The following USP8 variants were observed in gnomAD, a reference collection of about 807,000 sequenced individuals.
The protein encoded by USP8 is ubiquitin specific peptidase 8, also known as ubiquitin carboxyl-terminal hydrolase 8.
A neutral mutation model predicts 130.0 loss-of-function variants in USP8; 27 were observed. The observed-to-expected ratio is 0.21, with a 90% CI of 0.15 to 0.29. The LOEUF (loss-of-function observed/expected upper bound fraction) is 0.29. Among genes scored for constraint, USP8 ranks in the 10% least tolerant of loss-of-function variants. The pLI is 1.00. For synonymous variants in USP8, 392 were observed against 444.1 expected (o/e 0.88, Z 1.48); for missense variants, 1,029 against 1,312.2 (o/e 0.78, Z 3.33).
chr15:50,475,217 G>C (rs148641640), intron 8 of USP8, among the ~76,000 whole-genome samples: 1 of 152,086 alleles, frequency 6.6e-6, no homozygotes, highest in South Asian at 2.1e-4. Flanking sequence ...AATATTCAGA[G>C]TACATTCACT....
chr15:50,434,218 T>C (rs572470915), intron 1 of USP8, among the ~76,000 whole-genome samples: 1 of 152,174 alleles, frequency 6.6e-6, no homozygotes, highest in East Asian at 1.9e-4. Context: ...TTTTTCTGCC[T>C]CAGCCTCCTG....
chr15:50,439,949 A>C (rs776822360), intron 2 of USP8, among the ~76,000 whole-genome samples: 1 of 152,020 alleles, frequency 6.6e-6, no homozygotes. Context: ...TTAACTTGGC[A>C]TGGTGGCATA....
Position 50,481,737 on chromosome 15 carries a change from A to C in USP8, c.1475A>C (p.Glu492Ala). Residue 492 changes from glutamate to alanine, a missense_variant, in exon 11 of 20, where the codon GAG becomes GCG. Physicochemically the swap from Glu to Ala is moderately radical, Grantham distance 107. Transcript: ENST00000307179. ...LRERQQEEQK[E>A]KLRKEEQEQK... is the part of the protein sequence containing the mutation. ...GAAAGGCAGCAAGAGGAACAGAAAG[A>C]GAAACTGAGGAAGGAAGAACAAGAA... 6.2e-7 allele frequency: 1 copy of C among 1,607,722 alleles called. No individual in the cohort carries two copies. Among genetic ancestry groups the C allele is most frequent in the Non-Finnish European group, 8.5e-7 (1 of 1,177,844 alleles).
At chr15:50,474,732 T>C (rs1459224068) in intron 8 of USP8, among the ~76,000 whole-genome samples, 1 of 152,210 alleles carries the variant, frequency 6.6e-6, no homozygotes, top group African/African-American at 2.4e-5. Context: ...AATGTATAGA[T>C]TGAAACAGCG....
rs943503159 is a variant in USP8, at chr15:50,506,465, C to T, written c.*7377C>T. ...AAACCATGCCCGCCCCGGCCCCCAT[C>T]CATGGGAAAAAAACCGCATCAGTGG... On this transcript the variant is annotated 3_prime_UTR_variant, in exon 20 of 20. Transcript: ENST00000307179. 1 of 152,122 alleles carries T rather than the reference C, an allele frequency of 6.6e-6. No homozygotes were observed. The highest frequency in any genetic ancestry group is 2.4e-5 in the African/African-American group (1 of 41,416). The allele number at this position is 152,122 out of a possible 1,614,324, so 9.4% of individuals were successfully genotyped here. A position where few individuals can be genotyped will look rare whatever the true frequency, so the allele number is the denominator to read the frequency against.
chr15:50,500,870 C>A lies in USP8; in HGVS notation c.*1782C>A. ...AGAAAGGAATGTCAAACTTAGTATT[C>A]ACATATGAACACTAACTACTGGAAC... On this transcript the variant is annotated 3_prime_UTR_variant, in exon 20 of 20. Transcript: ENST00000307179. 6.7e-7 allele frequency: 1 copy of A among 1,494,998 alleles called. No homozygotes were observed. The highest frequency in any genetic ancestry group is 1.2e-5 in the South Asian group (1 of 83,096). 92.6% of individuals were successfully genotyped at this position (1,494,998 alleles called of 1,614,324 possible). A position where few individuals can be genotyped will look rare whatever the true frequency, so the allele number is the denominator to read the frequency against.
At chr15:50,436,850 A>G (rs1567599403) in intron 1 of USP8, among the ~76,000 whole-genome samples, 1 of 151,934 alleles carries the variant, frequency 6.6e-6, no homozygotes, top group Non-Finnish European at 1.5e-5. Context: ...TTGTATTTTT[A>G]GTAGAGATAG....
At chr15:50,440,692 T>C (rs949507289) in intron 2 of USP8, among the ~76,000 whole-genome samples, 1 of 152,092 alleles carries the variant, frequency 6.6e-6, no homozygotes, top group Non-Finnish European at 1.5e-5. Context: ...TCATCAGGCC[T>C]TAGATTCTCA....
rs1210731482 is a variant in USP8 at position 50,500,307 on chromosome 15, A to G, written c.*1219A>G. 6.5e-6 allele frequency: 1 copy of G among 153,776 alleles called. No individual in the cohort carries two copies. Among genetic ancestry groups the G allele is most frequent in the Admixed American group, 6.4e-5 (1 of 15,626 alleles). The allele number at this position is 153,776 out of a possible 1,614,324, so 9.5% of individuals were successfully genotyped here. ...ATTTGAACAAAAATTATTTTTGTTT[A>G]GCTTCATGAGTATCTTTGGAAAATA... is the stretch of plus-strand genomic sequence containing the variant. On this transcript the variant is annotated 3_prime_UTR_variant, in exon 20 of 20. Transcript: ENST00000307179.
intron 6 of USP8, 147 bp from the exon 7 acceptor site, chr15:50,464,900 A>T (rs914039785): frequency 2.5e-6 from 2 of 793,366 alleles, no homozygotes; most frequent in Non-Finnish European, 3.9e-6. Context: ...AAGATAATAA[A>T]TGGTATGATG....
chr15:50,437,309 T>C (rs978124411), intron 1 of USP8, among the ~76,000 whole-genome samples: 1 of 152,190 alleles, frequency 6.6e-6, no homozygotes, highest in Non-Finnish European at 1.5e-5. Flanking sequence ...CAACTCTCCC[T>C]CTCCCAAGAA....
Position 50,462,298 on chromosome 15 carries a change from G to A in USP8, c.517G>A (p.Glu173Lys). 6.2e-7 allele frequency: 1 copy of A among 1,601,620 alleles called. No homozygotes were observed. Among genetic ancestry groups the A allele is most frequent in the Non-Finnish European group, 8.5e-7 (1 of 1,176,774 alleles). ...GCAATAGAGCAATGGTGAAAAGAAT[G>A]AAAAATGTGAGACCAAAGAGAAAGG... ...KTQKSNGEKN[E>K]KCETKEKGAI... The change falls in exon 6 of 20, where the codon GAA becomes AAA. Residue 173 changes from glutamate to lysine, a missense_variant. By Grantham distance (56) the Glu-to-Lys change is moderately conservative. This residue lies in a region of USP8 where 281 missense variants were observed against 336.7 expected (regional missense o/e 0.83). Coordinates refer to ENST00000307179, the MANE Select transcript of USP8 (RefSeq NM_005154.5).
chr15:50,449,300 C>A, intron 3 of USP8, 100 bp from the exon 4 acceptor site: 1 of 630,534 alleles, frequency 1.6e-6, no homozygotes, highest in Non-Finnish European at 2.5e-6. Context: ...ATAAAACAAA[C>A]TTCCCTTTAT....
At chr15:50,434,701 C>T (rs1354333100) in intron 1 of USP8, among the ~76,000 whole-genome samples, 1 of 151,632 alleles carries the variant, frequency 6.6e-6, no homozygotes, top group Non-Finnish European at 1.5e-5. Flanking sequence ...ACTGCAACCT[C>T]CACCTCCTGG....
chr15:50,440,214 A>G (rs2050210559), intron 2 of USP8, among the ~76,000 whole-genome samples: 1 of 152,242 alleles, frequency 6.6e-6, no homozygotes, highest in African/African-American at 2.4e-5. Context: ...CAGATGGGAA[A>G]CAATGGGAAA....
At chr15:50,437,124 C>T (rs2050114922) in intron 1 of USP8, among the ~76,000 whole-genome samples, 4 of 152,048 alleles carry the variant, frequency 2.6e-5, no homozygotes, top group African/African-American at 9.7e-5. Flanking sequence ...CTCACGTTTG[C>T]GTTGTTATGC....
At chr15:50,479,138 G>T (rs1240204956) in intron 10 of USP8, among the ~76,000 whole-genome samples, 2 of 152,170 alleles carry the variant, frequency 1.3e-5, no homozygotes, top group Non-Finnish European at 2.9e-5. Context: ...GGAGAGATCT[G>T]TATAAAATCA....
At chr15:50,466,348 C>T (rs1351522285) in intron 7 of USP8, among the ~76,000 whole-genome samples, 2 of 152,134 alleles carry the variant, frequency 1.3e-5, no homozygotes, top group African/African-American at 4.8e-5. Flanking sequence ...CCTGTAATCC[C>T]AGCACTTGGG....
rs1167602367 is a variant in USP8 at position 50,500,911 on chromosome 15, A to G, written c.*1823A>G. ...CTACTGGAACAGAAATGATAGGGCC[A>G]AGAGATGCTTTTTAAATTGTCCCTT... On this transcript the variant is annotated 3_prime_UTR_variant, in exon 20 of 20. Coordinates refer to ENST00000307179, the MANE Select transcript of USP8 (RefSeq NM_005154.5). The G allele has an allele frequency of 2.5e-6, 3 of 1,214,830 alleles. No individual in the cohort carries two copies. Among genetic ancestry groups the G allele is most frequent in the Non-Finnish European group, 3.5e-6 (3 of 846,080 alleles). 75.3% of individuals were successfully genotyped at this position (1,214,830 alleles called of 1,614,324 possible).
Sources: allele counts gnomAD v4.1 joint callset (sites outside exome capture counted in the v4.1 genomes callset), GRCh38; gene constraint gnomAD v4.1.1; regional missense constraint gnomAD v4.1.1; transcripts MANE v1.5; gene names NCBI Gene and HGNC (gene_info 2026-07-23, HGNC 2026-07-21).